The following SCRN1 variants were observed in gnomAD, a reference collection of about 807,000 sequenced individuals.
SCRN1 encodes the protein secernin-1.
A neutral mutation model predicts 43.3 loss-of-function variants in SCRN1; 19 were observed. The observed-to-expected ratio is 0.44, with a 90% CI of 0.31 to 0.64. The LOEUF (loss-of-function observed/expected upper bound fraction) is 0.64. SCRN1 is among the 30% of genes least tolerant of loss of function. The pLI is 0.09. For missense variants in SCRN1, 447 were observed against 524.1 expected, an observed-to-expected ratio of 0.85 and a Z score of 1.44; for synonymous variants, 183 against 188.9, an observed-to-expected ratio of 0.97 and a Z score of 0.26.
intron 5 of SCRN1, among the ~76,000 whole-genome samples, chr7:29,938,881 C>T (rs1787433799): frequency 6.6e-6 from 1 of 152,166 alleles, no homozygotes; most frequent in African/African-American, 2.4e-5. Flanking sequence ...TCTTTCATTC[C>T]TCTAGCGCCA....
intron 2 of SCRN1, 85 bp from the exon 3 acceptor site, chr7:29,955,445 T>C: frequency 2.3e-6 from 3 of 1,321,606 alleles, no homozygotes; most frequent in East Asian, 2.3e-5. Context: ...TGAACCATCA[T>C]ATTAGTTACA....
chr7:29,978,721 T>C lies in SCRN1; in HGVS notation c.-1-9653A>G, dbSNP rs142894097. ...TGAAAGTAATCTGTTATCCAATTAA[T>C]TGCAGCTAAAAAGTATGGCCCTGCA... On this transcript the variant is annotated intron_variant, in intron 1 of 7. Coordinates refer to ENST00000242059, the MANE Select transcript of SCRN1 (RefSeq NM_014766.5). 2.6e-3 allele frequency among the ~76,000 whole-genome samples: 398 copies of C among 152,352 alleles called. 1 individual carries two copies. Among genetic ancestry groups the C allele is most frequent in the African/African-American group, 9.2e-3 (382 of 41,580 alleles).
At chr7:29,983,427 A>G (rs1472085316) in intron 1 of SCRN1, among the ~76,000 whole-genome samples, 1 of 151,760 alleles carries the variant, frequency 6.6e-6, no homozygotes, top group Non-Finnish European at 1.5e-5. Context: ...CAATGTGCAC[A>G]TGTACCCTAA....
chr7:29,975,653 T>C (rs1015351956), intron 1 of SCRN1, among the ~76,000 whole-genome samples: 4 of 152,236 alleles, frequency 2.6e-5, no homozygotes, highest in Admixed American at 6.5e-5. Flanking sequence ...TATGTTGAGA[T>C]GTAACATTTC....
intron 1 of SCRN1, among the ~76,000 whole-genome samples, chr7:29,979,316 T>C: frequency 6.6e-6 from 1 of 152,004 alleles, no homozygotes; most frequent in East Asian, 1.9e-4. Context: ...TGAGCCGAGA[T>C]CACGCCACTG....
intron 6 of SCRN1, among the ~76,000 whole-genome samples, chr7:29,930,618 C>T (rs965028697): frequency 6.6e-6 from 1 of 152,168 alleles, no homozygotes; most frequent in East Asian, 1.9e-4. Context: ...CCGAGTGTCC[C>T]GTGGATGGCT....
chr7:29,988,421 C>A (rs1789232892), intron 1 of SCRN1, among the ~76,000 whole-genome samples: 1 of 152,200 alleles, frequency 6.6e-6, no homozygotes. Flanking sequence ...GACCCTGCAG[C>A]ACCCTAAAAT....
At chr7:29,976,702 C>G (rs1788846749) in intron 1 of SCRN1, among the ~76,000 whole-genome samples, 1 of 152,238 alleles carries the variant, frequency 6.6e-6, no homozygotes, top group African/African-American at 2.4e-5. Context: ...CATCCCTAAG[C>G]TTAGTTTCTA....
In SCRN1 at chr7:29,936,601, C is replaced by A. The variant is rs1787335696; in HGVS notation, c.860G>T (p.Ser287Ile). The change falls in exon 6 of 8, where the codon AGC becomes ATC. Residue 287 changes from serine (S) to isoleucine (I), a missense_variant. Physicochemically the swap from Ser to Ile is moderately radical, Grantham distance 142. Transcript: ENST00000242059. ...AGTGAAGTAGTGAATGCACGGAGAG[C>A]TTCTATTCTGCGGCAGGACAGACAC... is the stretch of plus-strand genomic sequence containing the variant. Reference protein sequence around the residue: ...SGVSVLPQNRSSPCIHYFTGT... With the variant: ...SGVSVLPQNRISPCIHYFTGT... The A allele has an allele frequency of 6.2e-7, 1 of 1,605,210 alleles. No individual in the cohort carries two copies. Among genetic ancestry groups the A allele is most frequent in the South Asian group, 1.1e-5 (1 of 90,148 alleles).
intron 6 of SCRN1, among the ~76,000 whole-genome samples, chr7:29,935,512 C>A (rs1238331852): frequency 6.6e-6 from 1 of 152,170 alleles, no homozygotes; most frequent in Non-Finnish European, 1.5e-5. Context: ...CACCAGAGAA[C>A]CTACTGGAAT....
At chr7:29,974,681 C>CTTTTTT (rs754103658) in intron 1 of SCRN1, among the ~76,000 whole-genome samples, 20 of 142,268 alleles carry the variant, frequency 1.4e-4, no homozygotes, top group African/African-American at 3.2e-4. Context: ...TTCTTTCTTT[C>CTTTTTT]TTTCTTTTTT....
At chr7:29,955,893 G>T (rs1241121500) in intron 2 of SCRN1, among the ~76,000 whole-genome samples, 1 of 152,156 alleles carries the variant, frequency 6.6e-6, no homozygotes. Flanking sequence ...AATAACATTT[G>T]CATTTAACTA....
chr7:29,947,082 A>G, intron 3 of SCRN1: 1 of 1,290,362 alleles, frequency 7.7e-7, no homozygotes, highest in South Asian at 1.5e-5. Context: ...GGGCAGGACC[A>G]GGACAGGGAA....
intron 1 of SCRN1, chr7:29,988,483 T>A (rs1394961773): frequency 1.3e-5 from 2 of 152,334 alleles, no homozygotes; most frequent in African/African-American, 4.8e-5. Context: ...GAGCCTTGAC[T>A]CACACTAATT....
At chr7:29,957,008 C>T (rs1354193364) in intron 2 of SCRN1, among the ~76,000 whole-genome samples, 1 of 152,202 alleles carries the variant, frequency 6.6e-6, no homozygotes, top group Non-Finnish European at 1.5e-5. Context: ...CCTGTCCGCA[C>T]TGAGTGCCAG....
Position 29,936,603 on chromosome 7 carries a change from T to A in SCRN1, c.858A>T (p.Arg286Ser). The A allele has an allele frequency of 6.2e-7, 1 of 1,605,444 alleles. No individual in the cohort carries two copies. The highest frequency in any genetic ancestry group is 1.1e-5 in the South Asian group (1 of 90,164). ...ASGVSVLPQN[R>S]SSPCIHYFTG... The stretch of plus-strand genomic sequence containing the variant: ...TGAAGTAGTGAATGCACGGAGAGCT[T>A]CTATTCTGCGGCAGGACAGACACTC... Residue 286 changes from arginine (R) to serine (S), a missense_variant, in exon 6 of 8, where the codon AGA (arginine) becomes AGT (serine). Coordinates refer to ENST00000242059, the MANE Select transcript of SCRN1 (RefSeq NM_014766.5).
At position 29,926,435 on chromosome 7, in the gene SCRN1, C is replaced by T. The variant is rs1181077961; in HGVS notation, c.1086+17G>A. ...CCCGCCTCCGCCTCCGCCTCTGTGG[C>T]CCTCATGCAAGCTCACCTGGTCACT... On this transcript the variant is annotated intron_variant, in intron 7 of 7. Transcript: ENST00000242059. The T allele has an allele frequency of 6.2e-7, 1 of 1,607,504 alleles. No individual in the cohort carries two copies.
intron 3 of SCRN1, among the ~76,000 whole-genome samples, chr7:29,951,538 T>C (rs1190929070): frequency 3.3e-5 from 5 of 152,252 alleles, no homozygotes; most frequent in African/African-American, 4.8e-5. Context: ...CCACTGCACC[T>C]GGCCAAATTC....
chr7:29,973,146 T>C (rs545099229), intron 1 of SCRN1, among the ~76,000 whole-genome samples: 1 of 152,296 alleles, frequency 6.6e-6, no homozygotes, highest in South Asian at 2.1e-4. Context: ...AAACAAACTT[T>C]AGGAAGCAGC....
Sources: gnomAD v4.1 joint callset for allele counts (sites outside exome capture counted in the v4.1 genomes callset) on GRCh38, gnomAD v4.1.1 for gene constraint, MANE v1.5 for transcripts, NCBI Gene and HGNC (gene_info 2026-07-23, HGNC 2026-07-21) for gene names.